Variants in GREM1 observed in about 807,000 individuals in gnomAD.
GREM1 encodes gremlin 1, DAN family BMP antagonist, also known as gremlin-1.
A neutral mutation model predicts 13.1 loss-of-function variants in GREM1; 6 were observed. The observed-to-expected ratio is 0.46, with a 90% CI of 0.25 to 0.91. The LOEUF (loss-of-function observed/expected upper bound fraction) is 0.91, where lower values mean the gene tolerates loss of function less well. GREM1 is among the 40% of genes least tolerant of loss of function. The pLI is 0.18. For missense variants in GREM1, 185 were observed against 233.9 expected, an observed-to-expected ratio of 0.79 and a Z score of 1.36; for synonymous variants, 98 against 93.7, an observed-to-expected ratio of 1.05 and a Z score of -0.27.
rs1194749523 is a variant in GREM1, at chr15:32,731,557, C to G, written c.*312C>G. 1 of 396,134 alleles carries G rather than the reference C, an allele frequency of 2.5e-6. No individual in the cohort carries two copies. The highest frequency in any genetic ancestry group is 2.0e-5 in the African/African-American group (1 of 49,244). The allele number at this position is 396,134 out of a possible 1,614,324, so 24.5% of individuals were successfully genotyped here. On this transcript the variant is annotated 3_prime_UTR_variant, in exon 2 of 2. Transcript: ENST00000651154. ...ACATCTAAAGGGGCGGGGCCGTGGT[C>G]TGGTTCTGACTTTGTGTTTTTGTGC...
rs980448835 is a variant in GREM1 at position 32,743,145 on chromosome 15, C to G, written c.*11900C>G. The G allele has an allele frequency of 1.3e-5, 2 of 152,182 alleles. No homozygotes were observed. The highest frequency in any genetic ancestry group is 4.8e-5 in the African/African-American group (2 of 41,450). 9.4% of individuals were successfully genotyped at this position (152,182 alleles called of 1,614,324 possible). A position where few individuals can be genotyped will look rare whatever the true frequency, so the allele number is the denominator to read the frequency against. ...TCAGAATGCTCATTCCATTTGGCCA[C>G]CATGATTGGTTTTAGAAATGGACTT... is the stretch of plus-strand genomic sequence containing the variant. On this transcript the variant is annotated 3_prime_UTR_variant, in exon 2 of 2. Transcript: ENST00000651154.
In GREM1 at chr15:32,737,491, G is replaced by A. The variant is rs1054160137; in HGVS notation, c.*6246G>A. The A allele has an allele frequency of 3.3e-5, 5 of 152,120 alleles. No individual in the cohort carries two copies. The highest frequency in any genetic ancestry group is 9.7e-5 in the African/African-American group (4 of 41,404). The allele number at this position is 152,120 out of a possible 1,614,324, so 9.4% of individuals were successfully genotyped here. ...ATCAGTGTAATGCATCATATTAATA[G>A]AATAAAGACAGAAACCACACAATCA... On this transcript the variant is annotated 3_prime_UTR_variant, in exon 2 of 2. Coordinates refer to ENST00000651154, the MANE Select transcript of GREM1 (RefSeq NM_013372.7).
rs777005561 is a variant in GREM1, at chr15:32,731,073, C to G, written c.383C>G (p.Pro128Arg). Residue 128 changes from proline (P) to arginine (R), a missense_variant, in exon 2 of 2, where the codon CCC becomes CGC. By Grantham distance (103) the Pro-to-Arg change is moderately radical (BLOSUM62 -2). Coordinates refer to ENST00000651154, the MANE Select transcript of GREM1 (RefSeq NM_013372.7). The part of the protein sequence containing the change: ...CYGQCNSFYI[P>R]RHIRKEEGSF... Reference sequence around the variant, plus strand: ...GGCCAGTGCAACTCTTTCTACATCCCCAGGCACATCCGGAAGGAGGAAGGT... The same window carrying G: ...GGCCAGTGCAACTCTTTCTACATCCGCAGGCACATCCGGAAGGAGGAAGGT... 6.2e-7 allele frequency: 1 copy of G among 1,614,220 alleles called. No homozygotes were observed. Among genetic ancestry groups the G allele is most frequent in the South Asian group, 1.1e-5 (1 of 91,088 alleles).
chr15:32,725,175 G>T (rs1595847156), intron 1 of GREM1, among the ~76,000 whole-genome samples: 2 of 152,058 alleles, frequency 1.3e-5, no homozygotes, highest in Non-Finnish European at 1.5e-5. Flanking sequence ...TGGGTCAAAT[G>T]GTATTTCTGG....
rs1446491065 is a variant in GREM1 at position 32,744,168 on chromosome 15, C to T, written c.*12923C>T. Reference sequence around the variant, plus strand: ...AATCTGTGGCCTTTTTTTTTAATTACACTCTCAGTTACATGAATCAATAAA... The same window carrying T: ...AATCTGTGGCCTTTTTTTTTAATTATACTCTCAGTTACATGAATCAATAAA... On this transcript the variant is annotated 3_prime_UTR_variant, in exon 2 of 2. Coordinates refer to ENST00000651154, the MANE Select transcript of GREM1 (RefSeq NM_013372.7). 6.6e-6 allele frequency: 1 copy of T among 151,888 alleles called. No individual in the cohort carries two copies. Among genetic ancestry groups the T allele is most frequent in the Non-Finnish European group, 1.5e-5 (1 of 67,986 alleles). 9.4% of individuals were successfully genotyped at this position (151,888 alleles called of 1,614,324 possible).
In GREM1 at chr15:32,740,921, C is replaced by G. The variant is rs2055755594; in HGVS notation, c.*9676C>G. 6.6e-6 allele frequency: 1 copy of G among 152,064 alleles called. No individual in the cohort carries two copies. The highest frequency in any genetic ancestry group is 2.1e-4 in the South Asian group (1 of 4,820). The allele number at this position is 152,064 out of a possible 1,614,324, so 9.4% of individuals were successfully genotyped here. Reference sequence around the variant, plus strand: ...ATGGTGGCCAAACGGAATGAGCATTCTGATTTGCCAGTGTGGTCTCATGTT... The same window carrying G: ...ATGGTGGCCAAACGGAATGAGCATTGTGATTTGCCAGTGTGGTCTCATGTT... On this transcript the variant is annotated 3_prime_UTR_variant, in exon 2 of 2. Coordinates refer to ENST00000651154, the MANE Select transcript of GREM1 (RefSeq NM_013372.7).
chr15:32,729,862 T>C (rs987978441), intron 1 of GREM1, among the ~76,000 whole-genome samples: 2 of 152,100 alleles, frequency 1.3e-5, no homozygotes, highest in African/African-American at 4.8e-5. Flanking sequence ...AAGTGATACA[T>C]TGAGTATCTG....
At position 32,732,927 on chromosome 15, in the gene GREM1, C is replaced by G. The variant is rs182311272; in HGVS notation, c.*1682C>G. On this transcript the variant is annotated 3_prime_UTR_variant, in exon 2 of 2. Coordinates refer to ENST00000651154, the MANE Select transcript of GREM1 (RefSeq NM_013372.7). Reference sequence around the variant, plus strand: ...GCCAAGTCCTATGTAATATGGAAAACAAACACTGCAGACTTGAGATTCAGT... The same window carrying G: ...GCCAAGTCCTATGTAATATGGAAAAGAAACACTGCAGACTTGAGATTCAGT... 7.2e-4 allele frequency: 159 copies of G among 221,010 alleles called. No homozygotes were observed. Among genetic ancestry groups the G allele is most frequent in the Admixed American group, 2.8e-3 (47 of 16,930 alleles). The allele number at this position is 221,010 out of a possible 1,614,324, so 13.7% of individuals were successfully genotyped here.
At position 32,729,266 on chromosome 15, in the gene GREM1, C is replaced by T. The variant is rs7182522; in HGVS notation, c.-1-1424C>T. On this transcript the variant is annotated intron_variant, in intron 1 of 1. Coordinates refer to ENST00000651154, the MANE Select transcript of GREM1 (RefSeq NM_013372.7). Reference sequence around the variant, plus strand: ...GTCTCGATCTCCTGACCTCGTGATCCGCCGCCCATCTGGGCCTCCCAAAGT... The same window carrying T: ...GTCTCGATCTCCTGACCTCGTGATCTGCCGCCCATCTGGGCCTCCCAAAGT... Among the ~76,000 whole-genome samples the T allele has an allele frequency of 0.48, 72,892 of 151,728 alleles. 19,048 individuals are homozygous for T. The highest frequency in any genetic ancestry group is 0.58 in the Non-Finnish European group (39,219 of 67,892).
In GREM1 at chr15:32,739,656, G is replaced by T. The variant is rs914461004; in HGVS notation, c.*8411G>T. Reference sequence around the variant, plus strand: ...ACACATCTATTCTGCAAAAATTCATGGCTAAATTCCTTTGTGAGGAATCCA... The same window carrying T: ...ACACATCTATTCTGCAAAAATTCATTGCTAAATTCCTTTGTGAGGAATCCA... On this transcript the variant is annotated 3_prime_UTR_variant, in exon 2 of 2. Coordinates refer to ENST00000651154, the MANE Select transcript of GREM1 (RefSeq NM_013372.7). 6.6e-6 allele frequency: 1 copy of T among 152,170 alleles called. No individual in the cohort carries two copies. 9.4% of individuals were successfully genotyped at this position (152,170 alleles called of 1,614,324 possible).
At position 32,737,915 on chromosome 15, in the gene GREM1, CA is replaced by C; in HGVS notation, c.*6674del. On this transcript the variant is annotated 3_prime_UTR_variant, in exon 2 of 2. Transcript: ENST00000651154. Reference sequence around the variant, plus strand: ...TGTACTCCAGCCTGGGCAACAAGAACAAAACTCTGTCTCAAAAAAAAAAAAA... The same window carrying C: ...TGTACTCCAGCCTGGGCAACAAGAACAAACTCTGTCTCAAAAAAAAAAAAA... The C allele has an allele frequency of 1.0e-5, 1 of 99,672 alleles. No individual in the cohort carries two copies. Among genetic ancestry groups the C allele is most frequent in the Non-Finnish European group, 2.0e-5 (1 of 49,878 alleles). 6.2% of individuals were successfully genotyped at this position (99,672 alleles called of 1,614,324 possible).
chr15:32,741,750 G>A lies in GREM1; in HGVS notation c.*10505G>A, dbSNP rs988882841. On this transcript the variant is annotated 3_prime_UTR_variant, in exon 2 of 2. Transcript: ENST00000651154. ...GAGTGGGCATGTATGCCTTGTTTCT[G>A]GTCTTAAAGAAAAACATTTCAGTTT... 8 of 151,986 alleles carry A rather than the reference G, an allele frequency of 5.3e-5. No individual in the cohort carries two copies. The South Asian group carries it at 8.3e-4, about 16-fold the overall frequency. The allele number at this position is 151,986 out of a possible 1,614,324, so 9.4% of individuals were successfully genotyped here. A position where few individuals can be genotyped will look rare whatever the true frequency, so the allele number is the denominator to read the frequency against.
Position 32,743,436 on chromosome 15 carries a change from T to C in GREM1, c.*12191T>C, listed in dbSNP as rs946221598. 1.3e-5 allele frequency: 2 copies of C among 152,224 alleles called. No individual in the cohort carries two copies. Among genetic ancestry groups the C allele is most frequent in the African/African-American group, 2.4e-5 (1 of 41,462 alleles). 9.4% of individuals were successfully genotyped at this position (152,224 alleles called of 1,614,324 possible). A position where few individuals can be genotyped will look rare whatever the true frequency, so the allele number is the denominator to read the frequency against. On this transcript the variant is annotated 3_prime_UTR_variant, in exon 2 of 2. Transcript: ENST00000651154. The stretch of plus-strand genomic sequence containing the variant: ...GCCATGTCTGAAGTCAAGCCAACTT[T>C]TGAAGTATCCTATAGTACTTATATA...
At chr15:32,721,283 A>C (rs1055998698) in intron 1 of GREM1, among the ~76,000 whole-genome samples, 6 of 152,356 alleles carry the variant, frequency 3.9e-5, no homozygotes, top group African/African-American at 1.4e-4. Context: ...AGATGATATT[A>C]TCTACCTCAT....
Position 32,743,754 on chromosome 15 carries a change from T to C in GREM1, c.*12509T>C, listed in dbSNP as rs1371629238. On this transcript the variant is annotated 3_prime_UTR_variant, in exon 2 of 2. Transcript: ENST00000651154. ...TGTAAGGAAACAAAGCTGGCTTACT[T>C]GGGGGCAGGATTTTTTTTTTTCCCA... 1 of 149,566 alleles carries C rather than the reference T, an allele frequency of 6.7e-6. No homozygotes were observed. The highest frequency in any genetic ancestry group is 1.9e-4 in the East Asian group (1 of 5,194). 9.3% of individuals were successfully genotyped at this position (149,566 alleles called of 1,614,324 possible).
Position 32,736,637 on chromosome 15 carries a change from A to C in GREM1, c.*5392A>C, listed in dbSNP as rs2055700749. 1.3e-5 allele frequency: 2 copies of C among 152,220 alleles called. No homozygotes were observed. The highest frequency in any genetic ancestry group is 4.8e-5 in the African/African-American group (2 of 41,454). 9.4% of individuals were successfully genotyped at this position (152,220 alleles called of 1,614,324 possible). ...CAAGTGTTTGAGGAAATCCGTGTAC[A>C]ACTATTAGATGACTACTAACCAAGC... On this transcript the variant is annotated 3_prime_UTR_variant, in exon 2 of 2. Coordinates refer to ENST00000651154, the MANE Select transcript of GREM1 (RefSeq NM_013372.7).
At chr15:32,729,458 G>A (rs141116694) in intron 1 of GREM1, among the ~76,000 whole-genome samples, 1,680 of 152,046 alleles carry the variant, frequency 0.011, 16 homozygotes, top group Non-Finnish European at 0.019. Flanking sequence ...CTCTTCTTCC[G>A]CCTTTTCTGT....
intron 1 of GREM1, among the ~76,000 whole-genome samples, chr15:32,723,199 C>G (rs1408838278): frequency 1.3e-5 from 2 of 152,194 alleles, no homozygotes; most frequent in African/African-American, 4.8e-5. Flanking sequence ...TGCATTTCCT[C>G]TACATCTCTG....
At position 32,724,628 on chromosome 15, in the gene GREM1, C is replaced by CT. The variant is rs11285245; in HGVS notation, c.-1-6051dup. Among the ~76,000 whole-genome samples the CT allele has an allele frequency of 6.0e-4, 88 of 147,198 alleles. 1 individual carries two copies. The highest frequency in any genetic ancestry group is 3.7e-3 in the East Asian group (19 of 5,070). ...TATAACTGGGCGTTTCTCATAAGTG[C>CT]TTTTTTTTTTTCTTTTTCTTTTTAT... On this transcript the variant is annotated intron_variant, in intron 1 of 1. Coordinates refer to ENST00000651154, the MANE Select transcript of GREM1 (RefSeq NM_013372.7).
Sources: allele counts gnomAD v4.1 joint callset (sites outside exome capture counted in the v4.1 genomes callset), GRCh38; gene constraint gnomAD v4.1.1; transcripts MANE v1.5; gene names NCBI Gene and HGNC (gene_info 2026-07-23, HGNC 2026-07-21).